The following BTG4 variants were observed in gnomAD, a reference collection of about 807,000 sequenced individuals.
BTG4 encodes the protein protein BTG4.
Under a neutral mutation model 19.3 loss-of-function variants are expected in BTG4, and 10 were observed. The ratio of observed to expected loss-of-function variants is 0.52; its 90% CI spans 0.32 to 0.88. The LOEUF is 0.88. Among genes scored for constraint, BTG4 ranks in the 40% least tolerant of loss-of-function variants. BTG4 has a pLI of 0.04. For synonymous variants in BTG4, 91 were observed against 95.7 expected (o/e 0.95, Z 0.29); for missense variants, 238 against 281.9 (o/e 0.84, Z 1.11).
chr11:111,504,783 A>G (rs1342394947), intron 1 of BTG4, among the ~76,000 whole-genome samples: 1 of 152,096 alleles, frequency 6.6e-6, no homozygotes, highest in Admixed American at 6.6e-5. Flanking sequence ...TCAGGATACA[A>G]AATCAATGTA....
At chr11:111,462,587 C>T (rs570040234), downstream of BTG4, among the ~76,000 whole-genome samples, 2 of 152,354 alleles carry the variant, frequency 1.3e-5, no homozygotes, top group African/African-American at 4.8e-5. Context: ...CCTGCAGGTT[C>T]CCCTGACTCC....
chr11:111,494,959 A>C lies in BTG4; in HGVS notation c.*176T>G. 4 of 985,148 alleles carry C rather than the reference A, an allele frequency of 4.1e-6. No homozygotes were observed. The highest frequency in any genetic ancestry group is 3.5e-5 in the African/African-American group (2 of 57,346). 61.0% of individuals were successfully genotyped at this position (985,148 alleles called of 1,614,324 possible). A position where few individuals can be genotyped will look rare whatever the true frequency, so the allele number is the denominator to read the frequency against. ...CTTCATGTAAAATTAAATAAGAATT[A>C]AAAGTACAGCTAAGAACAGTGATGA... is the stretch of plus-strand genomic sequence containing the variant. On this transcript the variant is annotated 3_prime_UTR_variant, in exon 5 of 5. Transcript: ENST00000692032.
chr11:111,486,620 T>C (rs974118664), intron 5 of BTG4, among the ~76,000 whole-genome samples: 4 of 152,076 alleles, frequency 2.6e-5, no homozygotes, highest in Non-Finnish European at 4.4e-5. Flanking sequence ...CTGATGAATA[T>C]AGATGCAAAA....
downstream of BTG4, among the ~76,000 whole-genome samples, chr11:111,490,296 A>T (rs1398609751): frequency 1.1e-4 from 16 of 151,414 alleles, no homozygotes; most frequent in Admixed American, 8.6e-4. Flanking sequence ...AATAAATAAA[A>T]AACTGAAAGT....
intron 1 of BTG4, among the ~76,000 whole-genome samples, chr11:111,509,041 T>C (rs573572910): frequency 2.6e-5 from 4 of 152,234 alleles, no homozygotes; most frequent in South Asian, 4.2e-4. Context: ...ACCTGAAAGA[T>C]AAATTAACAT....
At chr11:111,461,573 G>C in the BTG4 span, among the ~76,000 whole-genome samples, 1 of 152,216 alleles carries the variant, frequency 6.6e-6, no homozygotes, top group African/African-American at 2.4e-5. Flanking sequence ...TATTAGCCGG[G>C]TGTGGTGGCA....
rs1865654439 is a variant in BTG4 at position 111,495,317 on chromosome 11, G to A, written c.511-3C>T. The A allele has an allele frequency of 3.1e-6, 5 of 1,596,218 alleles. No individual in the cohort carries two copies. Among genetic ancestry groups the A allele is most frequent in the Admixed American group, 1.8e-5 (1 of 55,352 alleles). On this transcript the variant is annotated splice_polypyrimidine_tract_variant and splice_region_variant and intron_variant, in intron 4 of 4. Transcript: ENST00000692032. The stretch of plus-strand genomic sequence containing the variant: ...AAGGGCTGTTTCAAGTTTTCAACCT[G>A]GAAAAAAAAAGTATAAAGATCTCTA...
At chr11:111,476,554 T>C (rs1864408829) in intron 5 of BTG4, among the ~76,000 whole-genome samples, 1 of 152,176 alleles carries the variant, frequency 6.6e-6, no homozygotes. Flanking sequence ...TTTTGAGTTT[T>C]TTGTTGTTAG....
At chr11:111,476,133 G>GAC (rs1287031689) in intron 5 of BTG4, among the ~76,000 whole-genome samples, 1 of 22,232 alleles carries the variant, frequency 4.5e-5, no homozygotes, top group African/African-American at 1.2e-4. Flanking sequence ...TACCAGAATA[G>GAC]ATACACACAC....
At chr11:111,447,653 G>A in the BTG4 span, among the ~76,000 whole-genome samples, 9 of 152,166 alleles carry the variant, frequency 5.9e-5, no homozygotes, top group Admixed American at 2.0e-4. Flanking sequence ...GAGCAGAGGC[G>A]GCAGATGGAG....
At chr11:111,397,737 T>C in the BTG4 span, 2 of 152,202 alleles carry the variant, frequency 1.3e-5, no homozygotes, top group African/African-American at 4.8e-5. Context: ...TCTTGTTCAT[T>C]GATGTATCCC....
chr11:111,454,185 C>T, the BTG4 span: 1 of 426,398 alleles, frequency 2.3e-6, no homozygotes, highest in African/African-American at 2.0e-5. Flanking sequence ...TGTAGGGAAG[C>T]TCATATTTGC....
At chr11:111,498,238 C>T (rs1283873343) in intron 2 of BTG4, 103 bp from the exon 3 acceptor site, 4 of 1,315,162 alleles carry the variant, frequency 3.0e-6, no homozygotes, top group African/African-American at 2.9e-5. Flanking sequence ...CCCACCTCAT[C>T]CCCTCAGCCT....
chr11:111,492,242 A>G (rs894847307), downstream of BTG4, among the ~76,000 whole-genome samples: 3 of 152,218 alleles, frequency 2.0e-5, no homozygotes, highest in South Asian at 6.2e-4. Context: ...ATGTTTTTAA[A>G]CCAACCTTGC....
the BTG4 span, among the ~76,000 whole-genome samples, chr11:111,389,292 A>T: frequency 6.6e-6 from 1 of 152,254 alleles, no homozygotes; most frequent in Non-Finnish European, 1.5e-5. Flanking sequence ...TAGAAATGTC[A>T]GTGTAGGAAG....
intron 1 of BTG4, among the ~76,000 whole-genome samples, chr11:111,509,911 C>CTTTTTTTTTTTTTTTT (rs1450409427): frequency 1.7e-5 from 2 of 114,722 alleles, no homozygotes; most frequent in Non-Finnish European, 3.7e-5. Flanking sequence ...TTTCTTTTTT[C>CTTTTTTTTTTTTTTTT]TTTTTTTTTT....
chr11:111,452,014 C>T, the BTG4 span, among the ~76,000 whole-genome samples: 725 of 152,298 alleles, frequency 4.8e-3, 5 homozygotes, highest in African/African-American at 0.016. Context: ...CTCTCCCAAT[C>T]CTCCACTTTG....
In BTG4 at chr11:111,498,148, C is replaced by G. The variant is rs764767098; in HGVS notation, c.174-13G>C. On this transcript the variant is annotated splice_polypyrimidine_tract_variant and intron_variant, in intron 2 of 4. Transcript: ENST00000692032. ...TATCCTGATGCACCTTTTTAAAAAG[C>G]GAAGGGAAACGAAGACATGATGACA... is the stretch of plus-strand genomic sequence containing the variant. The G allele has an allele frequency of 3.7e-5, 59 of 1,612,700 alleles. No individual in the cohort carries two copies. The highest frequency in any genetic ancestry group is 4.7e-5 in the Non-Finnish European group (56 of 1,179,646).
intron 5 of BTG4, among the ~76,000 whole-genome samples, chr11:111,489,583 A>G (rs1384744028): frequency 1.3e-5 from 2 of 152,264 alleles, no homozygotes; most frequent in Non-Finnish European, 2.9e-5. Flanking sequence ...ACATATACAC[A>G]ATGGAACATT....
Sources: gnomAD v4.1 joint callset for allele counts (sites outside exome capture counted in the v4.1 genomes callset) on GRCh38, gnomAD v4.1.1 for gene constraint, MANE v1.5 for transcripts, NCBI Gene and HGNC (gene_info 2026-07-23, HGNC 2026-07-21) for gene names.